The following RORB variants were observed in gnomAD, a reference collection of about 807,000 sequenced individuals.
The protein encoded by RORB is nuclear receptor ROR-beta.
RORB carries 6 observed loss-of-function variants against 59.1 expected under a neutral mutation model. The ratio of observed to expected loss-of-function variants is 0.10; its 90% CI spans 0.06 to 0.20. The LOEUF (loss-of-function observed/expected upper bound fraction) is 0.20, where lower values mean the gene tolerates loss of function less well. RORB is among the 10% of genes least tolerant of loss of function. The pLI is 1.00. For missense variants in RORB, 320 were observed against 560.5 expected, an observed-to-expected ratio of 0.57 and a Z score of 4.33; for synonymous variants, 215 against 204.5, an observed-to-expected ratio of 1.05 and a Z score of -0.44.
chr9:74,623,938 A>T (rs1823466054), intron 1 of RORB, among the ~76,000 whole-genome samples: 1 of 152,216 alleles, frequency 6.6e-6, no homozygotes, highest in Admixed American at 6.5e-5. Flanking sequence ...GGGAATATTT[A>T]ACTTATCAGT....
chr9:74,648,253 C>T (rs1479127199), intron 4 of RORB, among the ~76,000 whole-genome samples: 1 of 152,206 alleles, frequency 6.6e-6, no homozygotes, highest in Non-Finnish European at 1.5e-5. Flanking sequence ...ACCCCCACCC[C>T]AACCACACAC....
chr9:74,656,373 C>T (rs1563965835), intron 4 of RORB, among the ~76,000 whole-genome samples: 2 of 152,194 alleles, frequency 1.3e-5, no homozygotes. Context: ...ATTTTCACAA[C>T]AGCCTGATTA....
intron 4 of RORB, among the ~76,000 whole-genome samples, chr9:74,645,500 A>C (rs1416090024): frequency 6.6e-6 from 1 of 152,138 alleles, no homozygotes; most frequent in East Asian, 1.9e-4. Flanking sequence ...AACCCAGGCC[A>C]ATAATAGTCT....
intron 1 of RORB, among the ~76,000 whole-genome samples, chr9:74,499,412 G>T (rs959445204): frequency 6.6e-6 from 1 of 152,188 alleles, no homozygotes; most frequent in Admixed American, 6.5e-5. Flanking sequence ...GGACTCAAGG[G>T]TTTGCTGGCT....
chr9:74,523,163 G>A (rs1156253725), intron 1 of RORB, among the ~76,000 whole-genome samples: 1 of 151,576 alleles, frequency 6.6e-6, no homozygotes. Flanking sequence ...AAGTCTGTTT[G>A]TTTTCTGTCA....
chr9:74,514,928 A>G (rs10869410), intron 1 of RORB, among the ~76,000 whole-genome samples: 61,622 of 150,736 alleles, frequency 0.41, 13,056 homozygotes, highest in East Asian at 0.84. Flanking sequence ...ATTAACCCTC[A>G]AGTATAACTT....
rs115041152 is a variant in RORB, at chr9:74,519,274, G to A, written c.7+21291G>A. 5.9e-3 allele frequency among the ~76,000 whole-genome samples: 896 copies of A among 152,100 alleles called. 3 individuals are homozygous for A. Among genetic ancestry groups the A allele is most frequent in the African/African-American group, 0.021 (864 of 41,546 alleles). Reference sequence around the variant, plus strand: ...TTTTGCTGAGGGCTAGTTGGAGTGTGCACACGCATGCACGCGGGAAGTATT... The same window carrying A: ...TTTTGCTGAGGGCTAGTTGGAGTGTACACACGCATGCACGCGGGAAGTATT... On this transcript the variant is annotated intron_variant, in intron 1 of 9. Transcript: ENST00000376896.
chr9:74,655,441 G>A (rs972427302), intron 4 of RORB, among the ~76,000 whole-genome samples: 3 of 152,188 alleles, frequency 2.0e-5, no homozygotes, highest in East Asian at 1.9e-4. Flanking sequence ...AACAAAAACT[G>A]AGCTGAAAAC....
rs1275442526 is a variant in RORB, at chr9:74,687,893, G to C, written c.*2275G>C. 6.6e-6 allele frequency: 1 copy of C among 152,198 alleles called. No homozygotes were observed. Among genetic ancestry groups the C allele is most frequent in the East Asian group, 1.9e-4 (1 of 5,190 alleles). The allele number at this position is 152,198 out of a possible 1,614,324, so 9.4% of individuals were successfully genotyped here. On this transcript the variant is annotated 3_prime_UTR_variant, in exon 10 of 10. Transcript: ENST00000376896. Reference sequence around the variant, plus strand: ...ATGTGTCTACTTGGTGTTTCCCTTTGAGCTTTGAACTTATGTCAAACTTTG... The same window carrying C: ...ATGTGTCTACTTGGTGTTTCCCTTTCAGCTTTGAACTTATGTCAAACTTTG...
chr9:74,535,056 T>A (rs1826300585), intron 1 of RORB, among the ~76,000 whole-genome samples: 1 of 152,038 alleles, frequency 6.6e-6, no homozygotes, highest in South Asian at 2.1e-4. Context: ...TGACAGCGCA[T>A]CACAAGACTG....
chr9:74,656,123 A>T lies in RORB; in HGVS notation c.638-4494A>T, dbSNP rs78591549. ...ACAAAGGATCAATCTTAACTCTTAT[A>T]AATCCTTTGAGAAATAAAGCAGACA... On this transcript the variant is annotated intron_variant, in intron 4 of 9. Transcript: ENST00000376896. Among the ~76,000 whole-genome samples, 942 of 152,342 alleles carry T rather than the reference A, an allele frequency of 6.2e-3. 18 individuals carry two copies. Among genetic ancestry groups the T allele is most frequent in the African/African-American group, 0.021 (893 of 41,570 alleles).
intron 1 of RORB, among the ~76,000 whole-genome samples, chr9:74,627,767 T>A (rs1270506868): frequency 6.6e-6 from 1 of 151,816 alleles, no homozygotes; most frequent in Non-Finnish European, 1.5e-5. Context: ...GTAATCGTTA[T>A]AAACAATCCA....
chr9:74,529,609 A>G (rs1335689363), intron 1 of RORB, among the ~76,000 whole-genome samples: 2 of 151,782 alleles, frequency 1.3e-5, no homozygotes, highest in Non-Finnish European at 2.9e-5. Context: ...TTATTTTAAA[A>G]TATAAATAGT....
At chr9:74,577,994 A>T (rs765813613) in intron 1 of RORB, among the ~76,000 whole-genome samples, 4 of 152,126 alleles carry the variant, frequency 2.6e-5, no homozygotes, top group Non-Finnish European at 5.9e-5. Flanking sequence ...ATGTAGCCTA[A>T]CTGGATAAAG....
At chr9:74,640,742 G>A (rs941709506) in intron 3 of RORB, among the ~76,000 whole-genome samples, 1 of 152,132 alleles carries the variant, frequency 6.6e-6, no homozygotes, top group Non-Finnish European at 1.5e-5. Flanking sequence ...CCCTTAATCA[G>A]AACTTAATCA....
chr9:74,678,431 A>G (rs952263876), intron 9 of RORB, among the ~76,000 whole-genome samples: 10 of 152,234 alleles, frequency 6.6e-5, no homozygotes, highest in African/African-American at 2.2e-4. Flanking sequence ...ACAAAACTGT[A>G]TCATCAACAT....
At chr9:74,636,395 G>A (rs1021996822) in intron 3 of RORB, among the ~76,000 whole-genome samples, 1 of 152,170 alleles carries the variant, frequency 6.6e-6, no homozygotes, top group Non-Finnish European at 1.5e-5. Flanking sequence ...GTCTAAGTCT[G>A]TGCTGGTGAA....
rs527761195 is a variant in RORB at position 74,691,926 on chromosome 9, T to C, written c.*6308T>C. 19 of 152,236 alleles carry C rather than the reference T, an allele frequency of 1.2e-4. No homozygotes were observed. The highest frequency in any genetic ancestry group is 2.2e-4 in the Non-Finnish European group (15 of 68,022). The allele number at this position is 152,236 out of a possible 1,614,324, so 9.4% of individuals were successfully genotyped here. A position where few individuals can be genotyped will look rare whatever the true frequency, so the allele number is the denominator to read the frequency against. On this transcript the variant is annotated 3_prime_UTR_variant, in exon 10 of 10. Transcript: ENST00000376896. ...TGGCCTAAGACCTGCAAACTCCATC[T>C]ATAACTAGAAAATACGAAAAAGGAA...
intron 1 of RORB, among the ~76,000 whole-genome samples, chr9:74,500,480 T>G (rs1221535950): frequency 1.3e-5 from 2 of 152,090 alleles, no homozygotes; most frequent in Non-Finnish European, 2.9e-5. Flanking sequence ...CTAAGCACCC[T>G]ATGTTGGGAG....
Sources: allele counts gnomAD v4.1 joint callset (sites outside exome capture counted in the v4.1 genomes callset), GRCh38; gene constraint gnomAD v4.1.1; transcripts MANE v1.5; gene names NCBI Gene and HGNC (gene_info 2026-07-23, HGNC 2026-07-21).